LDLRAD3: variants seen among roughly 807,000 people sequenced by gnomAD.
LDLRAD3 encodes low density lipoprotein receptor class A domain containing 3.
In LDLRAD3, 20 loss-of-function variants were observed where a neutral mutation model predicts 29.4. That is an observed-to-expected ratio of 0.68 (90% confidence interval 0.48 to 0.99). LDLRAD3 has a LOEUF of 0.99. Ranked by LOEUF, LDLRAD3 falls within the 50% of genes least tolerant of loss-of-function variation. The probability of loss-of-function intolerance (pLI) is 0.00; values close to 1 mark genes in which losing one functional copy is unlikely to be tolerated. For synonymous variants in LDLRAD3, 157 were observed against 192.7 expected (o/e 0.81, Z 1.53); for missense variants, 420 against 454.3 (o/e 0.92, Z 0.69).
intron 1 of LDLRAD3, among the ~76,000 whole-genome samples, chr11:36,015,358 C>G (rs1353488414): frequency 7.8e-6 from 1 of 128,306 alleles, no homozygotes; most frequent in Admixed American, 9.5e-5. Context: ...CACCCCTTGT[C>G]ATTGCATTGT....
intron 1 of LDLRAD3, among the ~76,000 whole-genome samples, chr11:35,970,337 GACAC>G: frequency 8.0e-6 from 1 of 124,586 alleles, no homozygotes; most frequent in East Asian, 3.0e-4. Context: ...GGGGTACACA[GACAC>G]TCACAGAGGG....
intron 2 of LDLRAD3, among the ~76,000 whole-genome samples, chr11:36,041,780 A>C (rs1470717469): frequency 6.6e-6 from 1 of 152,142 alleles, no homozygotes; most frequent in Admixed American, 6.5e-5. Context: ...TCGTCTTCCC[A>C]AGGCGGTTCA....
chr11:36,031,720 T>C (rs1036511433), intron 1 of LDLRAD3, among the ~76,000 whole-genome samples: 3 of 152,052 alleles, frequency 2.0e-5, no homozygotes, highest in Non-Finnish European at 4.4e-5. Flanking sequence ...GGGACCAGCT[T>C]TAGATTGAGT....
chr11:36,229,787 G>T lies in LDLRAD3; in HGVS notation c.*390G>T. On this transcript the variant is annotated 3_prime_UTR_variant, in exon 6 of 6. Transcript: ENST00000315571. ...ACGCTGGACCCAATTCTCTCTGCTG[G>T]GTAGTTACCTTATAGCATTTGGGGA... 1 of 179,874 alleles carries T rather than the reference G, an allele frequency of 5.6e-6. No individual in the cohort carries two copies. The allele number at this position is 179,874 out of a possible 1,614,324, so 11.1% of individuals were successfully genotyped here. A position where few individuals can be genotyped will look rare whatever the true frequency, so the allele number is the denominator to read the frequency against.
intron 4 of LDLRAD3, among the ~76,000 whole-genome samples, chr11:36,224,228 A>G (rs1297367248): frequency 6.6e-6 from 1 of 152,020 alleles, no homozygotes; most frequent in Non-Finnish European, 1.5e-5. Flanking sequence ...TGGATAGTCC[A>G]GGGAGACACG....
intron 1 of LDLRAD3, among the ~76,000 whole-genome samples, chr11:35,993,704 G>A (rs1428027455): frequency 6.6e-6 from 1 of 151,734 alleles, no homozygotes; most frequent in Non-Finnish European, 1.5e-5. Flanking sequence ...TAAATGAGGA[G>A]TAGGGAGTGA....
At chr11:36,126,740 T>C (rs1052839278) in intron 4 of LDLRAD3, among the ~76,000 whole-genome samples, 1 of 152,232 alleles carries the variant, frequency 6.6e-6, no homozygotes, top group Non-Finnish European at 1.5e-5. Context: ...TGTTATTTGG[T>C]ATGTCTGTGG....
chr11:36,032,090 A>G (rs57224801), intron 1 of LDLRAD3, among the ~76,000 whole-genome samples: 29,171 of 152,160 alleles, frequency 0.19, 2,854 homozygotes, highest in East Asian at 0.25. Context: ...GACATCAGTC[A>G]TATGGAATTA....
chr11:36,167,897 G>A (rs1429903790), intron 4 of LDLRAD3, among the ~76,000 whole-genome samples: 1 of 152,158 alleles, frequency 6.6e-6, no homozygotes, highest in Non-Finnish European at 1.5e-5. Flanking sequence ...TTGACACATG[G>A]ATGCAGTGTC....
At chr11:36,030,860 C>G (rs1464671869) in intron 1 of LDLRAD3, among the ~76,000 whole-genome samples, 2 of 152,312 alleles carry the variant, frequency 1.3e-5, no homozygotes, top group Middle Eastern at 3.4e-3. Context: ...AGGAGGACTC[C>G]AGCTGGTAGG....
chr11:36,088,624 C>T (rs1853231051), intron 3 of LDLRAD3, among the ~76,000 whole-genome samples: 1 of 152,168 alleles, frequency 6.6e-6, no homozygotes, highest in Non-Finnish European at 1.5e-5. Context: ...CCCATTTCCT[C>T]TTCACCTCTC....
At chr11:35,992,833 T>C (rs1311393854) in intron 1 of LDLRAD3, among the ~76,000 whole-genome samples, 1 of 152,208 alleles carries the variant, frequency 6.6e-6, no homozygotes, top group African/African-American at 2.4e-5. Flanking sequence ...ATACTTTCAA[T>C]GGGTAAATTG....
At chr11:36,066,885 C>G (rs1852803517) in intron 2 of LDLRAD3, among the ~76,000 whole-genome samples, 2 of 152,222 alleles carry the variant, frequency 1.3e-5, no homozygotes, top group African/African-American at 4.8e-5. Flanking sequence ...AAATCTGACT[C>G]ATCACTTTCC....
intron 1 of LDLRAD3, among the ~76,000 whole-genome samples, chr11:35,971,760 G>A (rs907119674): frequency 1.3e-5 from 2 of 152,178 alleles, no homozygotes; most frequent in African/African-American, 4.8e-5. Flanking sequence ...GAGCAATATT[G>A]TGGGTATTCA....
At position 36,104,815 on chromosome 11, in the gene LDLRAD3, A is replaced by G. The variant is rs371048356; in HGVS notation, c.454+6354A>G. Among the ~76,000 whole-genome samples the G allele has an allele frequency of 4.6e-3, 706 of 152,248 alleles. 7 individuals are homozygous for G. The highest frequency in any genetic ancestry group is 0.029 in the South Asian group (138 of 4,814). ...ACTGACGGACAGACTCATGTTTTTC[A>G]TCACCCCATAAGACTCCTGTCTGGT... On this transcript the variant is annotated intron_variant, in intron 4 of 5. Transcript: ENST00000315571.
At chr11:36,220,688 A>G (rs918456150) in intron 4 of LDLRAD3, among the ~76,000 whole-genome samples, 2 of 152,208 alleles carry the variant, frequency 1.3e-5, no homozygotes, top group African/African-American at 4.8e-5. Flanking sequence ...GAAAAAAGTG[A>G]ATCTATTTGG....
chr11:36,003,850 G>T (rs1266247271), intron 1 of LDLRAD3, among the ~76,000 whole-genome samples: 2 of 152,210 alleles, frequency 1.3e-5, no homozygotes, highest in Non-Finnish European at 2.9e-5. Flanking sequence ...CATGGTGGAA[G>T]GCGAAGGGGA....
intron 2 of LDLRAD3, among the ~76,000 whole-genome samples, chr11:36,051,869 C>T (rs1852533492): frequency 6.6e-6 from 1 of 152,166 alleles, no homozygotes; most frequent in Non-Finnish European, 1.5e-5. Context: ...CTCCTGGGCT[C>T]TTAGGGACAG....
At chr11:36,205,897 C>T (rs1415406191) in intron 4 of LDLRAD3, among the ~76,000 whole-genome samples, 1 of 152,204 alleles carries the variant, frequency 6.6e-6, no homozygotes, top group Non-Finnish European at 1.5e-5. Context: ...TGTTTATGCT[C>T]CTGCCTGGAA....
Sources: gnomAD v4.1 joint callset for allele counts (sites outside exome capture counted in the v4.1 genomes callset) on GRCh38, gnomAD v4.1.1 for gene constraint, MANE v1.5 for transcripts, NCBI Gene and HGNC (gene_info 2026-07-23, HGNC 2026-07-21) for gene names.